Variants in SGCZ observed in about 807,000 individuals in gnomAD.
SGCZ encodes the protein zeta-sarcoglycan.
In SGCZ, 40 loss-of-function variants were observed where a neutral mutation model predicts 41.3. The observed-to-expected ratio is 0.97, with a 90% CI of 0.75 to 1.26. The LOEUF (loss-of-function observed/expected upper bound fraction) is 1.26. Among genes scored for constraint, SGCZ ranks in the 50% most tolerant of loss-of-function variants. The pLI, the probability that SGCZ is intolerant of heterozygous loss-of-function variation, is 0.00. For synonymous variants in SGCZ, 206 were observed against 137.5 expected, an observed-to-expected ratio of 1.50 and a Z score of -3.49; for missense variants, 552 against 369.8, an observed-to-expected ratio of 1.49 and a Z score of -4.04.
chr8:14,091,040 T>C (rs1236812887), intron 7 of SGCZ, among the ~76,000 whole-genome samples: 1 of 152,014 alleles, frequency 6.6e-6, no homozygotes, highest in Non-Finnish European at 1.5e-5. Context: ...CCTGTGTCCA[T>C]GTGTTCTCAT....
chr8:14,783,371 T>C (rs1245635049), intron 1 of SGCZ, among the ~76,000 whole-genome samples: 1 of 151,480 alleles, frequency 6.6e-6, no homozygotes, highest in Non-Finnish European at 1.5e-5. Context: ...TAGGTGGAAG[T>C]TGCAGTGAGC....
chr8:14,134,889 T>A lies in SGCZ; in HGVS notation c.548-26654A>T, dbSNP rs140825675. On this transcript the variant is annotated intron_variant, in intron 5 of 7. Transcript: ENST00000382080. Reference sequence around the variant, plus strand: ...ATATGTTTTTTAAAAACATGACAGATATAATAGTTCATGATGAGAATGTTA... The same window carrying A: ...ATATGTTTTTTAAAAACATGACAGAAATAATAGTTCATGATGAGAATGTTA... Among the ~76,000 whole-genome samples, 894 of 152,310 alleles carry A rather than the reference T, an allele frequency of 5.9e-3. 6 individuals are homozygous for A. The highest frequency in any genetic ancestry group is 0.02 in the African/African-American group (850 of 41,576).
intron 1 of SGCZ, among the ~76,000 whole-genome samples, chr8:14,726,375 TGACA>T (rs1244473418): frequency 6.9e-6 from 1 of 144,812 alleles, no homozygotes; most frequent in South Asian, 2.2e-4. Context: ...TTCAGTTACA[TGACA>T]GACAAATTAT....
chr8:15,049,938 C>G (rs1263043705), intron 1 of SGCZ, among the ~76,000 whole-genome samples: 1 of 152,220 alleles, frequency 6.6e-6, no homozygotes, highest in South Asian at 2.1e-4. Flanking sequence ...TCCTCCACAG[C>G]CATCTGAAAC....
At chr8:15,171,973 C>A (rs990555652) in intron 1 of SGCZ, among the ~76,000 whole-genome samples, 1 of 152,004 alleles carries the variant, frequency 6.6e-6, no homozygotes, top group Non-Finnish European at 1.5e-5. Context: ...TAACAGGAGC[C>A]CTTGATCCCT....
chr8:15,194,529 G>A (rs1180173686), intron 1 of SGCZ, among the ~76,000 whole-genome samples: 1 of 152,136 alleles, frequency 6.6e-6, no homozygotes, highest in African/African-American at 2.4e-5. Flanking sequence ...GCACTGAGGT[G>A]GGGAAATTAT....
rs771346064 is a variant in SGCZ, at chr8:15,137,660, C to G, written c.39+99925G>C. Among the ~76,000 whole-genome samples, 25 of 105,662 alleles carry G rather than the reference C, an allele frequency of 2.4e-4. 1 individual carries two copies. Among genetic ancestry groups the G allele is most frequent in the Middle Eastern group, 4.9e-3 (1 of 204 alleles). 69.3% of individuals were successfully genotyped at this position (105,662 alleles called of 152,430 possible). ...AGAGGGTGCAATCCCCAAGCCTTGG[C>G]ACCTTTCATGTGGTGTTGAGCCTGC... On this transcript the variant is annotated intron_variant, in intron 1 of 7. Transcript: ENST00000382080.
intron 1 of SGCZ, among the ~76,000 whole-genome samples, chr8:14,613,203 T>A (rs1805986716): frequency 1.3e-5 from 2 of 152,148 alleles, no homozygotes; most frequent in Non-Finnish European, 2.9e-5. Context: ...GGTCACAACA[T>A]AATTTTTATA....
intron 1 of SGCZ, among the ~76,000 whole-genome samples, chr8:15,020,354 A>G (rs1037412177): frequency 4.6e-5 from 7 of 152,188 alleles, no homozygotes; most frequent in Non-Finnish European, 1.0e-4. Context: ...CATCTGTCCT[A>G]TGAAACAATA....
intron 1 of SGCZ, among the ~76,000 whole-genome samples, chr8:14,804,469 A>G (rs550009531): frequency 0.051 from 6,467 of 127,378 alleles, 350 homozygotes; most frequent in African/African-American, 0.14. Flanking sequence ...AACTGGAAGA[A>G]AGGGTATCAG....
chr8:15,225,159 T>C (rs1209743666), intron 1 of SGCZ, among the ~76,000 whole-genome samples: 2 of 152,158 alleles, frequency 1.3e-5, no homozygotes, highest in African/African-American at 4.8e-5. Flanking sequence ...AAACTCAGAA[T>C]ATGTACAAAT....
At chr8:14,307,853 C>T (rs2116989182) in intron 3 of SGCZ, among the ~76,000 whole-genome samples, 1 of 152,108 alleles carries the variant, frequency 6.6e-6, no homozygotes, top group South Asian at 2.1e-4. Context: ...TGTGGTAAAA[C>T]AATTTTAAAG....
At chr8:15,022,014 A>G (rs1369089227) in intron 1 of SGCZ, among the ~76,000 whole-genome samples, 4 of 152,214 alleles carry the variant, frequency 2.6e-5, no homozygotes, top group African/African-American at 7.2e-5. Context: ...TACCTTTCAC[A>G]TTTTGCCCTC....
intron 1 of SGCZ, among the ~76,000 whole-genome samples, chr8:15,103,357 C>T (rs568944294): frequency 4.9e-4 from 74 of 151,778 alleles, no homozygotes; most frequent in African/African-American, 1.7e-3. Context: ...GCAGAGATGG[C>T]GCCACTGCAT....
chr8:14,375,795 T>C (rs1346460664), intron 2 of SGCZ, among the ~76,000 whole-genome samples: 1 of 151,654 alleles, frequency 6.6e-6, no homozygotes, highest in Admixed American at 6.6e-5. Context: ...TAAATTAAAT[T>C]CCCAAATTAA....
intron 1 of SGCZ, among the ~76,000 whole-genome samples, chr8:15,027,280 A>AT (rs1158728701): frequency 6.6e-6 from 1 of 152,172 alleles, no homozygotes; most frequent in African/African-American, 2.4e-5. Context: ...TCTAGAAAAC[A>AT]TTGTTTTGCT....
intron 1 of SGCZ, among the ~76,000 whole-genome samples, chr8:14,809,082 G>C (rs1248637258): frequency 6.8e-6 from 1 of 146,704 alleles, no homozygotes; most frequent in East Asian, 2.1e-4. Context: ...GACTGTTGTG[G>C]GGTGGGTGGA....
chr8:14,154,308 G>A (rs1404971360), intron 5 of SGCZ, among the ~76,000 whole-genome samples: 6 of 152,118 alleles, frequency 3.9e-5, no homozygotes, highest in Non-Finnish European at 1.5e-5. Flanking sequence ...GGCAGAGGGT[G>A]CAGTGAGCCG....
chr8:14,184,447 C>T (rs1012980591), intron 4 of SGCZ, among the ~76,000 whole-genome samples: 2 of 152,060 alleles, frequency 1.3e-5, no homozygotes, highest in African/African-American at 4.8e-5. Flanking sequence ...ATTAAACATC[C>T]ACTATATTTC....
Sources: gnomAD v4.1 joint callset for allele counts (sites outside exome capture counted in the v4.1 genomes callset) on GRCh38, gnomAD v4.1.1 for gene constraint, MANE v1.5 for transcripts, NCBI Gene and HGNC (gene_info 2026-07-23, HGNC 2026-07-21) for gene names.